The following DPYD variants were observed in gnomAD, a reference collection of about 807,000 sequenced individuals.
DPYD encodes dihydropyrimidine dehydrogenase [NADP(+)].
DPYD carries 109 observed loss-of-function variants against 116.2 expected under a neutral mutation model. The ratio of observed to expected loss-of-function variants is 0.94; its 90% CI spans 0.80 to 1.10. DPYD has a LOEUF of 1.10. DPYD is among the 50% of genes least tolerant of loss of function. DPYD has a pLI of 0.00. For missense variants in DPYD, 1,302 were observed against 1,254.5 expected, an observed-to-expected ratio of 1.04 and a Z score of -0.57; for synonymous variants, 440 against 432.0, an observed-to-expected ratio of 1.02 and a Z score of -0.23.
At chr1:97,539,121 G>A (rs1462223432) in intron 12 of DPYD, among the ~76,000 whole-genome samples, 4 of 152,012 alleles carry the variant, frequency 2.6e-5, no homozygotes, top group Non-Finnish European at 5.9e-5. Context: ...TTTTGTTGTT[G>A]TTTTTATTGT....
At chr1:97,468,413 T>C (rs987180820) in intron 13 of DPYD, among the ~76,000 whole-genome samples, 1 of 152,152 alleles carries the variant, frequency 6.6e-6, no homozygotes, top group East Asian at 1.9e-4. Flanking sequence ...ATTAGTGCCC[T>C]TATAGAAGAG....
intron 2 of DPYD, chr1:97,856,689 G>C (rs2101581442): frequency 6.6e-6 from 1 of 152,406 alleles, no homozygotes; most frequent in South Asian, 2.1e-4. Context: ...ATCAAGTTGT[G>C]AAGGTGTGCA....
chr1:97,404,252 T>C (rs1673525254), intron 14 of DPYD, among the ~76,000 whole-genome samples: 1 of 152,060 alleles, frequency 6.6e-6, no homozygotes, highest in East Asian at 1.9e-4. Flanking sequence ...TTGAGAAAAA[T>C]GTGTATTCTG....
chr1:97,455,839 C>G (rs2101808712), intron 13 of DPYD, among the ~76,000 whole-genome samples: 1 of 151,786 alleles, frequency 6.6e-6, no homozygotes, highest in Admixed American at 6.6e-5. Context: ...GTATTTGTTC[C>G]CAATAAATCA....
intron 14 of DPYD, among the ~76,000 whole-genome samples, chr1:97,442,670 T>C (rs889031140): frequency 1.3e-5 from 2 of 152,198 alleles, no homozygotes; most frequent in East Asian, 3.9e-4. Context: ...AAAACTTACA[T>C]GATATAGGAC....
intron 5 of DPYD, chr1:97,719,969 G>C: frequency 2.0e-6 from 2 of 984,848 alleles, no homozygotes; most frequent in Non-Finnish European, 2.4e-6. Flanking sequence ...TCAAATTTTA[G>C]TAAGTTTCTA....
At chr1:97,253,361 T>C (rs1365098729) in intron 18 of DPYD, among the ~76,000 whole-genome samples, 2 of 152,202 alleles carry the variant, frequency 1.3e-5, no homozygotes, top group Non-Finnish European at 2.9e-5. Flanking sequence ...AGCTTTTAAT[T>C]ATTCTTTAAA....
intron 2 of DPYD, among the ~76,000 whole-genome samples, chr1:97,832,219 G>T (rs1343379654): frequency 6.6e-6 from 1 of 151,950 alleles, no homozygotes; most frequent in Non-Finnish European, 1.5e-5. Flanking sequence ...ACAACCACAG[G>T]GGAGATTAAG....
chr1:97,880,033 T>G (rs1273550774), intron 2 of DPYD, among the ~76,000 whole-genome samples: 1 of 151,588 alleles, frequency 6.6e-6, no homozygotes, highest in Non-Finnish European at 1.5e-5. Flanking sequence ...GATATCTATA[T>G]ATAGAGAGAG....
At chr1:97,580,253 A>T (rs1557813480) in intron 10 of DPYD, among the ~76,000 whole-genome samples, 1 of 152,248 alleles carries the variant, frequency 6.6e-6, no homozygotes, top group Non-Finnish European at 1.5e-5. Flanking sequence ...TATAAAGGTT[A>T]CCCTCTAATA....
intron 16 of DPYD, among the ~76,000 whole-genome samples, chr1:97,310,974 G>C (rs2101057085): frequency 6.6e-6 from 1 of 151,782 alleles, no homozygotes; most frequent in East Asian, 1.9e-4. Context: ...ACAAAATGAT[G>C]CTAAGTTACA....
intron 18 of DPYD, among the ~76,000 whole-genome samples, chr1:97,278,257 G>T (rs974095688): frequency 1.3e-5 from 2 of 152,176 alleles, no homozygotes; most frequent in Non-Finnish European, 2.9e-5. Context: ...CTACTCAGGG[G>T]CTTCATCTCA....
rs182220183 is a variant in DPYD, at chr1:97,563,074, T to A, written c.1339+10686A>T. ...TAGGGATGTTGTCCTATTTATATTG[T>A]GCTTTGAGTCAAGAACAGAAACACA... On this transcript the variant is annotated intron_variant, in intron 11 of 22. Coordinates refer to ENST00000370192, the MANE Select transcript of DPYD (RefSeq NM_000110.4). 1.6e-4 allele frequency among the ~76,000 whole-genome samples: 24 copies of A among 152,292 alleles called. No homozygotes were observed. The East Asian group carries it at 4.6e-3, about 29-fold the overall frequency.
intron 20 of DPYD, among the ~76,000 whole-genome samples, chr1:97,143,955 T>C (rs1205110204): frequency 6.6e-6 from 1 of 152,150 alleles, no homozygotes; most frequent in Non-Finnish European, 1.5e-5. Context: ...TGACTCTTTA[T>C]CCCCAGTTAC....
chr1:97,543,345 A>C (rs939857552), intron 12 of DPYD, among the ~76,000 whole-genome samples: 12 of 152,214 alleles, frequency 7.9e-5, no homozygotes, highest in African/African-American at 2.7e-4. Context: ...TTACTTAATA[A>C]GTGGTAATTG....
At chr1:97,775,212 C>T (rs1237572703) in intron 3 of DPYD, among the ~76,000 whole-genome samples, 1 of 152,036 alleles carries the variant, frequency 6.6e-6, no homozygotes, top group Non-Finnish European at 1.5e-5. Flanking sequence ...ATTTTCTGAA[C>T]CCCTGAATGT....
chr1:97,752,162 T>C (rs1664966290), intron 3 of DPYD, among the ~76,000 whole-genome samples: 2 of 152,080 alleles, frequency 1.3e-5, no homozygotes, highest in South Asian at 2.1e-4. Flanking sequence ...GCAATGTCCA[T>C]ATATGAATTG....
intron 3 of DPYD, among the ~76,000 whole-genome samples, chr1:97,744,553 T>C (rs1002327335): frequency 2.6e-5 from 4 of 152,066 alleles, no homozygotes; most frequent in Admixed American, 2.0e-4. Context: ...GTCAGCATGG[T>C]TTCATCAGGC....
chr1:97,702,044 AACAGT>A (rs1661627858), intron 5 of DPYD, among the ~76,000 whole-genome samples: 2 of 151,722 alleles, frequency 1.3e-5, no homozygotes, highest in Admixed American at 6.6e-5. Context: ...GTGCTATCCA[AACAGT>A]ACAGATTTTC....
Sources: gnomAD v4.1 joint callset for allele counts (sites outside exome capture counted in the v4.1 genomes callset) on GRCh38, gnomAD v4.1.1 for gene constraint, MANE v1.5 for transcripts, NCBI Gene and HGNC (gene_info 2026-07-23, HGNC 2026-07-21) for gene names.